The following AARD variants were observed in gnomAD, a reference collection of about 807,000 sequenced individuals.
The protein encoded by AARD is alanine and arginine rich domain containing protein.
A neutral mutation model predicts 9.3 loss-of-function variants in AARD; 9 were observed. The observed-to-expected ratio is 0.97, with a 90% CI of 0.58 to 1.69. AARD has a LOEUF of 1.69. AARD is among the 40% of genes most tolerant of loss of function. The pLI is 0.00. For synonymous variants in AARD, 91 were observed against 93.8 expected (o/e 0.97, Z 0.17); for missense variants, 236 against 210.3 (o/e 1.12, Z -0.76).
chr8:116,938,315 G>A lies in AARD; in HGVS notation c.72G>A (p.Ala24=), dbSNP rs1208416744. ...GGCTCCAGGGACTCCCAGGTAGAGC[G>A]GAGCTTTGGTTCCCACCTCGTCCCG... The part of the protein sequence containing the change: ...SQGLQGLPGR[A]ELWFPPRPAC... Residue 24 remains alanine, a synonymous_variant, in exon 1 of 2, where the codon GCG becomes GCA. Transcript: ENST00000378279. 1.2e-6 allele frequency: 2 copies of A among 1,612,592 alleles called. No individual in the cohort carries two copies. Among genetic ancestry groups the A allele is most frequent in the Non-Finnish European group, 1.7e-6 (2 of 1,179,742 alleles).
At chr8:116,941,130 C>T (rs537749387) in intron 1 of AARD, among the ~76,000 whole-genome samples, 2 of 152,244 alleles carry the variant, frequency 1.3e-5, no homozygotes, top group African/African-American at 4.8e-5. Context: ...GTTGGGGATA[C>T]AATTATGAAT....
rs141036934 is a variant in AARD, at chr8:116,942,667, A to G, written c.434A>G (p.Gln145Arg). The G allele has an allele frequency of 2.5e-5, 41 of 1,613,986 alleles. No individual in the cohort carries two copies. In the Admixed American group the frequency reaches 3.3e-4, roughly 13 times the overall value. The change falls in exon 2 of 2, where the codon CAA (glutamine) becomes CGA (arginine). Residue 145 changes from glutamine (Q) to arginine (R), a missense_variant. By Grantham distance (43) the Gln-to-Arg change is conservative. Transcript: ENST00000378279. ...EYELEITSDS[Q>R]SPKDDAANPE is the part of the protein sequence containing the mutation. ...GAACTGGAAATTACATCAGACTCCC[A>G]AAGCCCAAAAGATGATGCTGCGAAT...
At chr8:116,941,049 T>A (rs1329491078) in intron 1 of AARD, among the ~76,000 whole-genome samples, 2 of 152,182 alleles carry the variant, frequency 1.3e-5, no homozygotes, top group Non-Finnish European at 2.9e-5. Flanking sequence ...AATTAATTAA[T>A]TAATTCACTC....
At chr8:116,938,936 A>G (rs1364385645) in intron 1 of AARD, among the ~76,000 whole-genome samples, 1 of 152,254 alleles carries the variant, frequency 6.6e-6, no homozygotes, top group African/African-American at 2.4e-5. Flanking sequence ...GTCCATCAGT[A>G]ACTCTTTCTT....
chr8:116,939,804 C>T (rs1248645586), intron 1 of AARD, among the ~76,000 whole-genome samples: 4 of 152,216 alleles, frequency 2.6e-5, no homozygotes, highest in Non-Finnish European at 5.9e-5. Flanking sequence ...GCCGGAGCCA[C>T]CTCATTCGGC....
intron 1 of AARD, among the ~76,000 whole-genome samples, chr8:116,939,512 A>G (rs959660219): frequency 6.6e-6 from 1 of 152,122 alleles, no homozygotes; most frequent in African/African-American, 2.4e-5. Flanking sequence ...GGCACCTGTA[A>G]TCCCAACTAC....
intron 1 of AARD, among the ~76,000 whole-genome samples, chr8:116,939,444 C>T (rs1324293811): frequency 6.6e-6 from 1 of 152,064 alleles, no homozygotes; most frequent in African/African-American, 2.4e-5. Flanking sequence ...CCAGCCTGGC[C>T]AAAATGGTGA....
At position 116,938,285 on chromosome 8, in the gene AARD, C is replaced by G. The variant is rs147761000; in HGVS notation, c.42C>G (p.Ser14=). 11 of 1,607,448 alleles carry G rather than the reference C, an allele frequency of 6.8e-6. No individual in the cohort carries two copies. The highest frequency in any genetic ancestry group is 9.3e-6 in the Non-Finnish European group (11 of 1,177,504). The stretch of plus-strand genomic sequence containing the variant: ...TCCGCCGCTGCAGAGAGAGAATTTC[C>G]CAGGGGCTCCAGGGACTCCCAGGTA... ...GDFRRCRERI[S]QGLQGLPGRA... Residue 14 remains serine, a synonymous_variant, in exon 1 of 2, where the codon TCC becomes TCG. Coordinates refer to ENST00000378279, the MANE Select transcript of AARD (RefSeq NM_001025357.3).
Position 116,938,293 on chromosome 8 carries a change from T to C in AARD, c.50T>C (p.Leu17Pro), listed in dbSNP as rs1466151897. 3.7e-6 allele frequency: 6 copies of C among 1,608,754 alleles called. No individual in the cohort carries two copies. Among genetic ancestry groups the C allele is most frequent in the South Asian group, 3.3e-5 (3 of 90,276 alleles). Residue 17 changes from leucine (L) to proline (P), a missense_variant, in exon 1 of 2, where the codon CTC (leucine) becomes CCC (proline). Transcript: ENST00000378279. ...RRCRERISQG[L>P]QGLPGRAELW... The stretch of plus-strand genomic sequence containing the variant: ...TGCAGAGAGAGAATTTCCCAGGGGC[T>C]CCAGGGACTCCCAGGTAGAGCGGAG...
At chr8:116,939,163 AGGAGCAATCAGACTTTAAAAT>A (rs1813716204) in intron 1 of AARD, among the ~76,000 whole-genome samples, 1 of 152,214 alleles carries the variant, frequency 6.6e-6, no homozygotes, top group African/African-American at 2.4e-5. Context: ...CACAATGAAT[AGGAGCAATCAGACTTTAAAAT>A]GGTGCTGCCT....
chr8:116,939,460 T>TGA (rs1813719942), intron 1 of AARD, among the ~76,000 whole-genome samples: 1 of 152,140 alleles, frequency 6.6e-6, no homozygotes, highest in African/African-American at 2.4e-5. Flanking sequence ...GGTGAAGTCC[T>TGA]GTCTCTACTA....
At chr8:116,941,070 C>T (rs1388756724) in intron 1 of AARD, among the ~76,000 whole-genome samples, 1 of 152,128 alleles carries the variant, frequency 6.6e-6, no homozygotes, top group Non-Finnish European at 1.5e-5. Flanking sequence ...ACTCTTATAA[C>T]AAACACACAG....
intron 1 of AARD, among the ~76,000 whole-genome samples, chr8:116,941,903 T>C (rs1158533516): frequency 1.3e-5 from 2 of 152,218 alleles, no homozygotes; most frequent in East Asian, 1.9e-4. Context: ...CTAAGCTTTC[T>C]TGGACTGCCC....
chr8:116,938,654 C>T (rs1389720130), intron 1 of AARD, 87 bp downstream of exon 1: 1 of 1,372,642 alleles, frequency 7.3e-7, no homozygotes, highest in Non-Finnish European at 9.4e-7. Flanking sequence ...CCGCGTAGCC[C>T]ACCCGACGCC....
At chr8:116,942,267 G>A (rs1445637342) in intron 1 of AARD, among the ~76,000 whole-genome samples, 2 of 152,064 alleles carry the variant, frequency 1.3e-5, no homozygotes, top group African/African-American at 2.4e-5. Flanking sequence ...AACAGCCTTC[G>A]GTGCATAGGT....
At chr8:116,938,865 T>G (rs1813711408) in intron 1 of AARD, among the ~76,000 whole-genome samples, 1 of 152,240 alleles carries the variant, frequency 6.6e-6, no homozygotes, top group Non-Finnish European at 1.5e-5. Flanking sequence ...TATGTGTATG[T>G]ATGGCTCGCG....
rs1813775158 is a variant in AARD, at chr8:116,943,762, C to T, written c.*1061C>T. 1 of 152,160 alleles carries T rather than the reference C, an allele frequency of 6.6e-6. No homozygotes were observed. The highest frequency in any genetic ancestry group is 1.5e-5 in the Non-Finnish European group (1 of 68,020). The allele number at this position is 152,160 out of a possible 1,614,324, so 9.4% of individuals were successfully genotyped here. On this transcript the variant is annotated 3_prime_UTR_variant, in exon 2 of 2. Transcript: ENST00000378279. ...GGTCAAGCTGTATAAGACTCCAGGC[C>T]TTGCTCTTGTTTATGTACATGAAAT...
chr8:116,941,765 C>T (rs767987557), intron 1 of AARD, among the ~76,000 whole-genome samples: 5 of 152,198 alleles, frequency 3.3e-5, no homozygotes, highest in Non-Finnish European at 7.3e-5. Context: ...TTTCTATTGA[C>T]AAGCTGATGA....
rs1813706785 is a variant in AARD at position 116,938,672 on chromosome 8, G to T, written c.324+105G>T. 2.9e-6 allele frequency: 4 copies of T among 1,357,200 alleles called. No individual in the cohort carries two copies. The East Asian group carries it at 9.0e-5, about 30-fold the overall frequency. 84.1% of individuals were successfully genotyped at this position (1,357,200 alleles called of 1,614,324 possible). A position where few individuals can be genotyped will look rare whatever the true frequency, so the allele number is the denominator to read the frequency against. ...CGTAGCCCACCCGACGCCTTGGGGG[G>T]CCCCTCAGGTCTGGACACGGCGTTG... On this transcript the variant is annotated intron_variant, in intron 1 of 1. Transcript: ENST00000378279.
Sources: gnomAD v4.1 joint callset for allele counts (sites outside exome capture counted in the v4.1 genomes callset) on GRCh38, gnomAD v4.1.1 for gene constraint, MANE v1.5 for transcripts, NCBI Gene and HGNC (gene_info 2026-07-23, HGNC 2026-07-21) for gene names.